RPH3A: variants seen among roughly 807,000 people sequenced by gnomAD.
The protein encoded by RPH3A is rabphilin 3A, also known as rabphilin-3A.
Under a neutral mutation model 102.2 loss-of-function variants are expected in RPH3A, and 48 were observed. The observed-to-expected ratio is 0.47, with a 90% CI of 0.37 to 0.60. RPH3A has a LOEUF of 0.60. RPH3A is among the 20% of genes least tolerant of loss of function. The pLI is 0.00. For missense variants in RPH3A, 781 were observed against 910.1 expected (o/e 0.86, Z 1.83); for synonymous variants, 310 against 324.3 (o/e 0.96, Z 0.47).
chr12:112,781,955 C>A (rs920986186), intron 1 of RPH3A, among the ~76,000 whole-genome samples: 9 of 152,198 alleles, frequency 5.9e-5, no homozygotes, highest in African/African-American at 2.2e-4. Context: ...ACATGCAATT[C>A]AGGGTGGTCA....
chr12:112,782,877 C>T (rs1332777991), intron 1 of RPH3A, among the ~76,000 whole-genome samples: 1 of 152,212 alleles, frequency 6.6e-6, no homozygotes, highest in Non-Finnish European at 1.5e-5. Context: ...ATGATCATCT[C>T]TGCACGTACA....
intron 1 of RPH3A, among the ~76,000 whole-genome samples, chr12:112,752,830 A>G (rs1311280760): frequency 2.6e-5 from 4 of 151,856 alleles, no homozygotes; most frequent in African/African-American, 9.7e-5. Context: ...TGCTTTTTTC[A>G]TTTTGCAATA....
chr12:112,879,335 A>G, intron 14 of RPH3A, 137 bp downstream of exon 14: 1 of 790,412 alleles, frequency 1.3e-6, no homozygotes, highest in Non-Finnish European at 2.0e-6. Flanking sequence ...GAGAAGAGTC[A>G]CAGTAATTAG....
At chr12:112,815,003 G>A (rs1291814456) in intron 2 of RPH3A, among the ~76,000 whole-genome samples, 2 of 152,214 alleles carry the variant, frequency 1.3e-5, no homozygotes, top group African/African-American at 2.4e-5. Context: ...GGGAGGCAAT[G>A]TAAGTGGATG....
At chr12:112,782,461 A>G (rs4767009) in intron 1 of RPH3A, among the ~76,000 whole-genome samples, 9,679 of 152,126 alleles carry the variant, frequency 0.064, 366 homozygotes, top group Admixed American at 0.14. Context: ...GGAGGAAGTG[A>G]CCTTTTGGTC....
chr12:112,819,486 G>A (rs562796256), intron 2 of RPH3A, among the ~76,000 whole-genome samples: 12 of 152,180 alleles, frequency 7.9e-5, no homozygotes, highest in Non-Finnish European at 1.3e-4. Context: ...AGGGGAGGTA[G>A]GATTGGATCC....
At chr12:112,582,295 G>A (rs2039405841) in intron 1 of RPH3A, among the ~76,000 whole-genome samples, 1 of 146,474 alleles carries the variant, frequency 6.8e-6, no homozygotes, top group Admixed American at 6.8e-5. Flanking sequence ...ACCCAGGTTG[G>A]AGTGCAGTGG....
intron 1 of RPH3A, among the ~76,000 whole-genome samples, chr12:112,673,701 T>C (rs1449467371): frequency 6.6e-6 from 1 of 152,214 alleles, no homozygotes; most frequent in Non-Finnish European, 1.5e-5. Flanking sequence ...AATCACACTC[T>C]TTGTTTTAAA....
At position 112,879,112 on chromosome 12, in the gene RPH3A, C is replaced by A; in HGVS notation, c.1172-7C>A. 1 of 1,613,256 alleles carries A rather than the reference C, an allele frequency of 6.2e-7. No individual in the cohort carries two copies. Among genetic ancestry groups the A allele is most frequent in the Non-Finnish European group, 8.5e-7 (1 of 1,179,406 alleles). On this transcript the variant is annotated splice_region_variant and splice_polypyrimidine_tract_variant and intron_variant, in intron 13 of 21. Coordinates refer to ENST00000389385, the MANE Select transcript of RPH3A (RefSeq NM_001143854.2). ...GTTATCTTGGTTCCTGTCTCTGCCC[C>A]CTTCAGCCACCCTGGGTGCCCTGGA... is the stretch of plus-strand genomic sequence containing the variant.
At chr12:112,719,903 T>C (rs2040539951) in intron 1 of RPH3A, among the ~76,000 whole-genome samples, 1 of 152,232 alleles carries the variant, frequency 6.6e-6, no homozygotes. Flanking sequence ...CTTTATTCAT[T>C]AGTCTTCCTC....
At chr12:112,784,463 G>A (rs1029794046) in intron 1 of RPH3A, among the ~76,000 whole-genome samples, 8 of 152,332 alleles carry the variant, frequency 5.3e-5, no homozygotes, top group African/African-American at 1.2e-4. Context: ...GCAGAACCCC[G>A]TGAACTATGG....
intron 5 of RPH3A, among the ~76,000 whole-genome samples, chr12:112,855,326 C>G (rs1463495296): frequency 1.3e-5 from 2 of 152,184 alleles, no homozygotes; most frequent in African/African-American, 4.8e-5. Context: ...TAGCATAGCA[C>G]CTGGCACAGT....
chr12:112,668,770 C>T (rs1052637143), intron 1 of RPH3A, among the ~76,000 whole-genome samples: 1 of 151,928 alleles, frequency 6.6e-6, no homozygotes, highest in Non-Finnish European at 1.5e-5. Flanking sequence ...CACATGTATA[C>T]CTATGTAACA....
intron 1 of RPH3A, among the ~76,000 whole-genome samples, chr12:112,638,703 T>G (rs978294567): frequency 1.3e-5 from 2 of 152,190 alleles, no homozygotes; most frequent in Non-Finnish European, 2.9e-5. Flanking sequence ...TTCAGCCCTT[T>G]ATTTTTTATA....
intron 4 of RPH3A, among the ~76,000 whole-genome samples, chr12:112,843,537 C>T (rs563137026): frequency 2.0e-5 from 3 of 152,154 alleles, no homozygotes; most frequent in African/African-American, 4.8e-5. Context: ...GAGCCATGTG[C>T]GTTCAGATGC....
At chr12:112,745,130 C>T (rs1022907994) in intron 1 of RPH3A, among the ~76,000 whole-genome samples, 8 of 152,170 alleles carry the variant, frequency 5.3e-5, no homozygotes, top group Non-Finnish European at 8.8e-5. Flanking sequence ...ACATCTTTGA[C>T]GCTTCCAGGC....
chr12:112,886,484 A>G (rs562700390), intron 16 of RPH3A, among the ~76,000 whole-genome samples: 73 of 151,910 alleles, frequency 4.8e-4, no homozygotes, highest in African/African-American at 1.8e-3. Context: ...GTAAGAATCT[A>G]ATGCTGCCAC....
At chr12:112,639,776 GAC>G (rs1372345539) in intron 1 of RPH3A, among the ~76,000 whole-genome samples, 2 of 152,272 alleles carry the variant, frequency 1.3e-5, no homozygotes, top group Non-Finnish European at 2.9e-5. Context: ...ACATCAGACT[GAC>G]ACCTTTATCA....
In RPH3A at chr12:112,879,154, G is replaced by A. The variant is rs202194176; in HGVS notation, c.1207G>A (p.Asp403Asn). 5.3e-5 allele frequency: 85 copies of A among 1,613,890 alleles called. 1 individual carries two copies. In the Admixed American group the frequency reaches 1.3e-3, roughly 24 times the overall value. The change falls in exon 14 of 22, where the codon GAC becomes AAC. Residue 403 changes from aspartate (D) to asparagine (N), a missense_variant. Asp to Asn is a conservative substitution (Grantham distance 23, BLOSUM62 1). Coordinates refer to ENST00000389385, the MANE Select transcript of RPH3A (RefSeq NM_001143854.2). ...LGALEFSLLY[D>N]QDNSSLQCTI... ...TGCCCTGGAATTCAGCCTTCTCTAC[G>A]ACCAGGACAACAGCTCCCTGCAGTG... is the stretch of plus-strand genomic sequence containing the variant.
Sources: gnomAD v4.1 joint callset for allele counts (sites outside exome capture counted in the v4.1 genomes callset) on GRCh38, gnomAD v4.1.1 for gene constraint, MANE v1.5 for transcripts, NCBI Gene and HGNC (gene_info 2026-07-23, HGNC 2026-07-21) for gene names.